TMPRSS12: variants seen among roughly 807,000 people sequenced by gnomAD.
TMPRSS12 encodes the protein transmembrane serine protease 12, also known as transmembrane protease serine 12.
In TMPRSS12, 25 loss-of-function variants were observed where a neutral mutation model predicts 26.0. The observed-to-expected ratio is 0.96, with a 90% CI of 0.70 to 1.34. The LOEUF is 1.34. Among genes scored for constraint, TMPRSS12 ranks in the 40% most tolerant of loss-of-function variants. TMPRSS12 has a pLI of 0.00. For synonymous variants in TMPRSS12, 150 were observed against 161.7 expected (o/e 0.93, Z 0.55); for missense variants, 441 against 440.1 (o/e 1.00, Z -0.02).
At chr12:50,876,858 T>C (rs572158557) in intron 3 of TMPRSS12, among the ~76,000 whole-genome samples, 1 of 145,282 alleles carries the variant, frequency 6.9e-6, no homozygotes, top group South Asian at 2.2e-4. Flanking sequence ...ATATGCACCA[T>C]GGAATACTAT....
chr12:50,843,504 T>C (rs1160898621), intron 1 of TMPRSS12, among the ~76,000 whole-genome samples: 1 of 152,170 alleles, frequency 6.6e-6, no homozygotes, highest in African/African-American at 2.4e-5. Flanking sequence ...CATTAGAATT[T>C]GCGGCTCTCG....
intron 2 of TMPRSS12, among the ~76,000 whole-genome samples, chr12:50,853,922 A>G (rs1937851744): frequency 6.6e-6 from 1 of 152,106 alleles, no homozygotes; most frequent in Admixed American, 6.5e-5. Flanking sequence ...TACCAGTCCT[A>G]CTAAAACTAT....
At chr12:50,873,957 T>G (rs1038080067) in intron 3 of TMPRSS12, among the ~76,000 whole-genome samples, 1 of 152,146 alleles carries the variant, frequency 6.6e-6, no homozygotes, top group East Asian at 1.9e-4. Context: ...AACATTATAT[T>G]TGTTACACAT....
At chr12:50,849,725 T>A (rs952559275) in intron 2 of TMPRSS12, among the ~76,000 whole-genome samples, 86 of 147,674 alleles carry the variant, frequency 5.8e-4, no homozygotes, top group African/African-American at 2.0e-3. Context: ...CATTCCTTTT[T>A]AAAAAAAAAA....
chr12:50,845,244 C>A, intron 2 of TMPRSS12, among the ~76,000 whole-genome samples: 1 of 152,218 alleles, frequency 6.6e-6, no homozygotes, highest in East Asian at 1.9e-4. Flanking sequence ...CAGTTCCCAT[C>A]CTTTTTGACC....
intron 3 of TMPRSS12, among the ~76,000 whole-genome samples, chr12:50,875,489 C>CAAAAAAAAAAAAAA (rs56816598): frequency 4.3e-5 from 3 of 69,476 alleles, no homozygotes; most frequent in South Asian, 7.3e-4. Flanking sequence ...GACTCCATCT[C>CAAAAAAAAAAAAAA]AAAAAAAAAA....
chr12:50,865,086 C>A (rs1218301570), intron 3 of TMPRSS12, among the ~76,000 whole-genome samples: 9 of 152,130 alleles, frequency 5.9e-5, no homozygotes, highest in Non-Finnish European at 1.3e-4. Context: ...AATCCTAGCA[C>A]TTTGGGAAGC....
intron 3 of TMPRSS12, 135 bp downstream of exon 3, chr12:50,859,188 A>G: frequency 1.3e-6 from 1 of 783,094 alleles, no homozygotes; most frequent in Non-Finnish European, 1.9e-6. Context: ...ATGGTGGTCT[A>G]TAAGATTATT....
intron 3 of TMPRSS12, among the ~76,000 whole-genome samples, chr12:50,871,081 A>C (rs147335329): frequency 6.6e-6 from 1 of 152,286 alleles, no homozygotes; most frequent in African/African-American, 2.4e-5. Context: ...TTCTTCAAAG[A>C]ATTATAAAAA....
intron 3 of TMPRSS12, among the ~76,000 whole-genome samples, chr12:50,866,189 C>A (rs1035739161): frequency 6.6e-6 from 1 of 152,066 alleles, no homozygotes; most frequent in African/African-American, 2.4e-5. Flanking sequence ...ACTGCTCCTG[C>A]AGGACTTGGG....
At position 50,885,247 on chromosome 12, in the gene TMPRSS12, T is replaced by A; in HGVS notation, c.654T>A (p.Gly218=). Residue 218 remains glycine, a splice_region_variant and synonymous_variant, in exon 4 of 5, where the codon GGT becomes GGA. Coordinates refer to ENST00000398458, the MANE Select transcript of TMPRSS12 (RefSeq NM_182559.3). ...ISGWGRTKEE[G]NATNILQDAE... ...CTTACTGGTATTTTTTGTTAACAGG[T>A]AACGCTACAAATATTTTACAAGATG... 1.3e-6 allele frequency: 2 copies of A among 1,588,454 alleles called. No homozygotes were observed. The highest frequency in any genetic ancestry group is 8.6e-7 in the Non-Finnish European group (1 of 1,168,288).
intron 4 of TMPRSS12, chr12:50,886,097 A>T (rs1246335953): frequency 6.6e-6 from 1 of 152,098 alleles, no homozygotes; most frequent in Non-Finnish European, 1.5e-5. Context: ...CCATTTATAT[A>T]TCTTCTTTAC....
In TMPRSS12 at chr12:50,887,570, A is replaced by T. The variant is rs1938240975; in HGVS notation, c.*57A>T. Reference sequence around the variant, plus strand: ...TGCATTGTGTCCCTTTCTATGTTCTATATAATGAACATCATTTATTCTTCT... The same window carrying T: ...TGCATTGTGTCCCTTTCTATGTTCTTTATAATGAACATCATTTATTCTTCT... On this transcript the variant is annotated 3_prime_UTR_variant, in exon 5 of 5. Coordinates refer to ENST00000398458, the MANE Select transcript of TMPRSS12 (RefSeq NM_182559.3). The T allele has an allele frequency of 6.5e-7, 1 of 1,536,256 alleles. No individual in the cohort carries two copies.
intron 2 of TMPRSS12, among the ~76,000 whole-genome samples, chr12:50,850,831 C>T (rs189170247): frequency 6.6e-6 from 1 of 152,308 alleles, no homozygotes; most frequent in Non-Finnish European, 1.5e-5. Flanking sequence ...GGACCAGGAA[C>T]ACCTCAGGTC....
intron 3 of TMPRSS12, among the ~76,000 whole-genome samples, chr12:50,866,798 A>G (rs1474892023): frequency 6.6e-6 from 1 of 152,184 alleles, no homozygotes; most frequent in African/African-American, 2.4e-5. Flanking sequence ...GATAGTTCAC[A>G]TCACGGGACT....
rs1937735188 is a variant in TMPRSS12, at chr12:50,843,591, T to C, written c.188-251T>C. Among the ~76,000 whole-genome samples the C allele has an allele frequency of 2.0e-5, 3 of 152,342 alleles. No individual in the cohort carries two copies. In the South Asian group the frequency reaches 6.2e-4, roughly 32 times the overall value. ...ATACGTGGCCAAAAATTTTTATTTT[T>C]ATATTTTTGGGGAATAGAGTTTTAA... On this transcript the variant is annotated intron_variant, in intron 1 of 4. Transcript: ENST00000398458.
At chr12:50,843,815 C>A (rs1011892432) in intron 1 of TMPRSS12, 27 bp from the exon 2 acceptor site, 1 of 1,544,122 alleles carries the variant, frequency 6.5e-7, no homozygotes, top group Admixed American at 2.0e-5. Context: ...ATGCTCAGTC[C>A]AAATAATATA....
intron 3 of TMPRSS12, among the ~76,000 whole-genome samples, chr12:50,873,952 T>G (rs1938090406): frequency 6.6e-6 from 1 of 152,158 alleles, no homozygotes; most frequent in Non-Finnish European, 1.5e-5. Context: ...TGATTAACAT[T>G]ATATTTGTTA....
At chr12:50,853,351 C>T (rs564098874) in intron 2 of TMPRSS12, among the ~76,000 whole-genome samples, 1 of 152,082 alleles carries the variant, frequency 6.6e-6, no homozygotes, top group Admixed American at 6.5e-5. Flanking sequence ...GTTTATGGTG[C>T]TAAATGCCCA....
Sources: allele counts gnomAD v4.1 joint callset (sites outside exome capture counted in the v4.1 genomes callset), GRCh38; gene constraint gnomAD v4.1.1; transcripts MANE v1.5; gene names NCBI Gene and HGNC (gene_info 2026-07-23, HGNC 2026-07-21).